The following SHQ1 variants were observed in gnomAD, a reference collection of about 807,000 sequenced individuals.
SHQ1 encodes the protein SHQ1, H/ACA ribonucleoprotein assembly factor.
In SHQ1, 49 loss-of-function variants were observed where a neutral mutation model predicts 53.8. That is an observed-to-expected ratio of 0.91 (90% CI 0.72 to 1.16). The LOEUF (loss-of-function observed/expected upper bound fraction) is 1.16. SHQ1 is among the 50% of genes most tolerant of loss of function. The pLI, the probability that SHQ1 is intolerant of heterozygous loss-of-function variation, is 0.00. For synonymous variants in SHQ1, 243 were observed against 251.0 expected (o/e 0.97, Z 0.30); for missense variants, 738 against 683.1 (o/e 1.08, Z -0.90).
chr3:72,756,187 G>C (rs1705495067), intron 10 of SHQ1, among the ~76,000 whole-genome samples: 1 of 151,930 alleles, frequency 6.6e-6, no homozygotes, highest in South Asian at 2.1e-4. Flanking sequence ...GGCATGAGCG[G>C]CAGCCCTGGG....
intron 6 of SHQ1, among the ~76,000 whole-genome samples, chr3:72,823,568 A>G (rs980086420): frequency 2.0e-5 from 3 of 152,216 alleles, no homozygotes; most frequent in African/African-American, 7.2e-5. Flanking sequence ...ATCCAACCGG[A>G]TACTATGTAA....
chr3:72,840,204 A>G (rs1405529731), intron 4 of SHQ1, among the ~76,000 whole-genome samples: 1 of 146,322 alleles, frequency 6.8e-6, no homozygotes, highest in African/African-American at 2.5e-5. Context: ...GTGAGCCAAG[A>G]TCGTGCCACT....
chr3:72,822,718 T>G (rs1384827479), intron 6 of SHQ1, among the ~76,000 whole-genome samples: 1 of 152,210 alleles, frequency 6.6e-6, no homozygotes, highest in Non-Finnish European at 1.5e-5. Context: ...GCATGTACAA[T>G]TAACTATCTA....
At chr3:72,787,317 T>C (rs1706263571) in intron 10 of SHQ1, among the ~76,000 whole-genome samples, 1 of 152,204 alleles carries the variant, frequency 6.6e-6, no homozygotes, top group Non-Finnish European at 1.5e-5. Context: ...TTAAAAAAAC[T>C]ATACTAGAGA....
chr3:72,795,918 C>A (rs768339046), intron 9 of SHQ1, among the ~76,000 whole-genome samples: 22 of 151,912 alleles, frequency 1.4e-4, no homozygotes, highest in Non-Finnish European at 2.9e-4. Context: ...GCTTGGCCAG[C>A]ATGGTGAAAC....
intron 9 of SHQ1, among the ~76,000 whole-genome samples, chr3:72,805,280 T>C (rs1575707529): frequency 6.6e-6 from 1 of 152,236 alleles, no homozygotes; most frequent in Admixed American, 6.5e-5. Context: ...TGGTACATAA[T>C]TGTAATTCTT....
At chr3:72,816,168 A>G (rs770090982) in intron 7 of SHQ1, among the ~76,000 whole-genome samples, 22 of 152,304 alleles carry the variant, frequency 1.4e-4, no homozygotes, top group Non-Finnish European at 2.9e-4. Flanking sequence ...AAATTGGTAC[A>G]TAGAAAATTC....
intron 1 of SHQ1, among the ~76,000 whole-genome samples, chr3:72,846,864 A>C (rs970198403): frequency 1.2e-4 from 18 of 152,320 alleles, no homozygotes; most frequent in African/African-American, 4.1e-4. Context: ...AATCCGTATA[A>C]AGCACTAACC....
Position 72,750,121 on chromosome 3 carries a change from A to T in SHQ1, c.*163T>A. The T allele has an allele frequency of 1.6e-6, 1 of 630,382 alleles. No homozygotes were observed. Among genetic ancestry groups the T allele is most frequent in the Non-Finnish European group, 2.7e-6 (1 of 368,908 alleles). 39.0% of individuals were successfully genotyped at this position (630,382 alleles called of 1,614,324 possible). ...GTACAGATGCGATTTTTTCTTCAATATTTTTGATCTGCAGTTGGTTGAATC... is the reference window on the plus strand; with the variant it reads ...GTACAGATGCGATTTTTTCTTCAATTTTTTTGATCTGCAGTTGGTTGAATC... On this transcript the variant is annotated 3_prime_UTR_variant, in exon 11 of 11. Transcript: ENST00000325599.
In SHQ1 at chr3:72,826,299, A is replaced by C. The variant is rs17010201; in HGVS notation, c.600-1748T>G. Among the ~76,000 whole-genome samples, 249 of 152,370 alleles carry C rather than the reference A, an allele frequency of 1.6e-3. 1 individual carries two copies. The highest frequency in any genetic ancestry group is 5.7e-3 in the African/African-American group (238 of 41,586). On this transcript the variant is annotated intron_variant, in intron 5 of 10. Transcript: ENST00000325599. ...CTAATCCTGCTAAGCCTATTTTCTT[A>C]TTAGCTATCTCTTTCTCCTTAAAGT... is the stretch of plus-strand genomic sequence containing the variant.
intron 10 of SHQ1, among the ~76,000 whole-genome samples, chr3:72,773,814 C>T (rs1464024219): frequency 2.0e-5 from 3 of 152,168 alleles, no homozygotes; most frequent in Non-Finnish European, 4.4e-5. Flanking sequence ...ACCTGCATAA[C>T]GACAAGACCA....
intron 10 of SHQ1, among the ~76,000 whole-genome samples, chr3:72,782,614 C>T (rs780346131): frequency 7.2e-5 from 11 of 152,166 alleles, no homozygotes; most frequent in Non-Finnish European, 1.3e-4. Context: ...ATTTAGGGGA[C>T]TTCACACCCC....
intron 10 of SHQ1, among the ~76,000 whole-genome samples, chr3:72,754,851 T>A (rs1705466961): frequency 6.6e-6 from 1 of 152,230 alleles, no homozygotes; most frequent in African/African-American, 2.4e-5. Flanking sequence ...ATAAGCATCA[T>A]CTATGGAGGT....
chr3:72,820,260 A>G (rs1236401398), intron 6 of SHQ1, among the ~76,000 whole-genome samples: 2 of 152,226 alleles, frequency 1.3e-5, no homozygotes, highest in East Asian at 1.9e-4. Flanking sequence ...GTATTTCTAC[A>G]TTAGTCATTT....
intron 10 of SHQ1, among the ~76,000 whole-genome samples, chr3:72,758,158 G>A (rs1331185843): frequency 1.3e-5 from 2 of 152,056 alleles, no homozygotes; most frequent in Admixed American, 6.5e-5. Flanking sequence ...TCTGAGAGCC[G>A]CCAAGAAAAA....
Position 72,817,307 on chromosome 3 carries a change from G to A in SHQ1, c.805C>T (p.Arg269Cys), listed in dbSNP as rs1195327191. The change falls in exon 7 of 11, where the codon CGT (arginine) becomes TGT (cysteine). Residue 269 changes from arginine (R) to cysteine (C), a missense_variant. By Grantham distance (180) the Arg-to-Cys change is radical (BLOSUM62 -3). Coordinates refer to ENST00000325599, the MANE Select transcript of SHQ1 (RefSeq NM_018130.3). ...TCAATCAAACTGTAGCACACTTGAC[G>A]ACAGGCTCTCTTGTCCAGCAGATAA... ...KSYLLDKRACRQVCYSLIDIL... is the reference protein window; with the variant it reads ...KSYLLDKRACCQVCYSLIDIL... 6.8e-6 allele frequency: 11 copies of A among 1,613,712 alleles called. No individual in the cohort carries two copies. The highest frequency in any genetic ancestry group is 5.3e-5 in the African/African-American group (4 of 74,910).
chr3:72,788,232 T>C (rs1370080056), intron 10 of SHQ1, among the ~76,000 whole-genome samples: 6 of 117,478 alleles, frequency 5.1e-5, no homozygotes, highest in African/African-American at 9.9e-5. Context: ...AAGTGAGGAG[T>C]GTCTCTGTCT....
chr3:72,744,093 A>G, the SHQ1 span, among the ~76,000 whole-genome samples: 1 of 152,214 alleles, frequency 6.6e-6, no homozygotes, highest in East Asian at 1.9e-4. Context: ...TACAAGAGGC[A>G]CTGGATTGCA....
chr3:72,816,437 C>T lies in SHQ1; in HGVS notation c.882+793G>A, dbSNP rs1187286756. Among the ~76,000 whole-genome samples the T allele has an allele frequency of 3.3e-5, 5 of 152,250 alleles. No individual in the cohort carries two copies. In the East Asian group the frequency reaches 9.6e-4, roughly 29 times the overall value. ...TGTAATTCAAAAAAGGAAAGCTATG[C>T]TCAGATCAAAAATAACCTTTTGAGC... On this transcript the variant is annotated intron_variant, in intron 7 of 10. Transcript: ENST00000325599.
Sources: gnomAD v4.1 joint callset for allele counts (sites outside exome capture counted in the v4.1 genomes callset) on GRCh38, gnomAD v4.1.1 for gene constraint, MANE v1.5 for transcripts, NCBI Gene and HGNC (gene_info 2026-07-23, HGNC 2026-07-21) for gene names.